Variants in RANBP10 observed in about 807,000 individuals in gnomAD.
The protein encoded by RANBP10 is ran-binding protein 10.
A neutral mutation model predicts 72.8 loss-of-function variants in RANBP10; 24 were observed. The ratio of observed to expected loss-of-function variants is 0.33; its 90% CI spans 0.24 to 0.46. The LOEUF (loss-of-function observed/expected upper bound fraction) is 0.46, where lower values mean the gene tolerates loss of function less well. Ranked by LOEUF, RANBP10 falls within the 20% of genes least tolerant of loss-of-function variation. RANBP10 has a pLI of 1.00. For missense variants in RANBP10, 679 were observed against 817.5 expected (o/e 0.83, Z 2.07); for synonymous variants, 310 against 322.3 (o/e 0.96, Z 0.41).
At chr16:67,804,975 G>A (rs1437277300) in intron 2 of RANBP10, among the ~76,000 whole-genome samples, 1 of 152,058 alleles carries the variant, frequency 6.6e-6, no homozygotes, top group Non-Finnish European at 1.5e-5. Context: ...ACAGGCCGGT[G>A]GCCACAGAAG....
In RANBP10 at chr16:67,729,767, G is replaced by C; in HGVS notation, c.1060C>G (p.Arg354Gly). Residue 354 changes from arginine (R) to glycine (G), a missense_variant, in exon 9 of 14, where the codon CGA becomes GGA. Coordinates refer to ENST00000317506, the MANE Select transcript of RANBP10 (RefSeq NM_020850.3). The surrounding 1 kb of genome is among the most constrained non-coding windows in gnomAD (Gnocchi z 7.1). ...TAGCTGTCCTGGGACTTGGGGCTTC[G>C]GGAGCTCAAACTTCGGACCTCACTG... ...TDSEVRSLSS[R>G]SPKSQDSYPG... 1 of 1,614,070 alleles carries C rather than the reference G, an allele frequency of 6.2e-7. No homozygotes were observed. The highest frequency in any genetic ancestry group is 1.6e-4 in the Middle Eastern group (1 of 6,062).
chr16:67,726,691 G>C (rs2053608395), intron 13 of RANBP10, 133 bp from the exon 14 acceptor site: 1 of 1,134,382 alleles, frequency 8.8e-7, no homozygotes, highest in Non-Finnish European at 1.2e-6. Context: ...CTCTGTGTAA[G>C]TGTGTCCCAG....
At chr16:67,731,375 A>C (rs2143001730) in intron 7 of RANBP10, 97 bp downstream of exon 7, 1 of 1,023,654 alleles carries the variant, frequency 9.8e-7, no homozygotes, top group South Asian at 1.3e-5. Context: ...ACCAGAGCTG[A>C]ATGGACTCCT....
chr16:67,779,019 A>G (rs1229770383), intron 2 of RANBP10, among the ~76,000 whole-genome samples: 2 of 152,138 alleles, frequency 1.3e-5, no homozygotes, highest in African/African-American at 2.4e-5. Flanking sequence ...CTTGAGGCCC[A>G]GGAAGTTGAG....
rs561589394 is a variant in RANBP10, at chr16:67,729,590, GAGCCCTGAGCCC to G, written c.1147+78_1147+89del. 7.8e-4 allele frequency: 1,202 copies of G among 1,550,258 alleles called. 8 individuals carry two copies. In the African/African-American group the frequency reaches 0.015, roughly 19 times the overall value. ...TTTCCCTTCTCCCAAATCCAGCAGT[GAGCCCTGAGCCC>G]AGCCCAGGAAAGGGTATGTGGAGTG... On this transcript the variant is annotated intron_variant, in intron 9 of 13. Coordinates refer to ENST00000317506, the MANE Select transcript of RANBP10 (RefSeq NM_020850.3). This position sits in a 1 kb window ranked among gnomAD's most constrained non-coding sequence, Gnocchi z 7.1.
intron 3 of RANBP10, among the ~76,000 whole-genome samples, chr16:67,771,334 A>C (rs756698678): frequency 6.6e-6 from 1 of 151,748 alleles, no homozygotes; most frequent in African/African-American, 2.4e-5. Context: ...AAAAACTTTG[A>C]TCTTTTTTAT....
At chr16:67,777,392 C>T (rs1297189717) in intron 2 of RANBP10, among the ~76,000 whole-genome samples, 6 of 151,664 alleles carry the variant, frequency 4.0e-5, no homozygotes, top group Admixed American at 2.0e-4. Flanking sequence ...AAAATTTAGC[C>T]GGGCATGGTG....
chr16:67,744,974 C>G (rs551830313), intron 3 of RANBP10, among the ~76,000 whole-genome samples: 2 of 152,216 alleles, frequency 1.3e-5, no homozygotes, highest in East Asian at 3.9e-4. Context: ...CAGGCGCCTG[C>G]CACAACGCCC....
At chr16:67,793,304 T>C (rs2055063253) in intron 2 of RANBP10, among the ~76,000 whole-genome samples, 1 of 150,794 alleles carries the variant, frequency 6.6e-6, no homozygotes, top group Non-Finnish European at 1.5e-5. Context: ...TTGGCTGGCT[T>C]GTAATTTTTT....
At chr16:67,775,396 C>T (rs1015490209) in intron 2 of RANBP10, among the ~76,000 whole-genome samples, 2 of 152,178 alleles carry the variant, frequency 1.3e-5, no homozygotes, top group African/African-American at 2.4e-5. Context: ...TGCCTGCTTT[C>T]ACCACTTCTA....
chr16:67,726,654 A>G, intron 13 of RANBP10, 96 bp from the exon 14 acceptor site: 1 of 1,389,334 alleles, frequency 7.2e-7, no homozygotes, highest in Non-Finnish European at 9.6e-7. Flanking sequence ...CAGTGGACAG[A>G]TTCTCTTGGA....
At chr16:67,778,888 T>C (rs1474612235) in intron 2 of RANBP10, among the ~76,000 whole-genome samples, 1 of 150,568 alleles carries the variant, frequency 6.6e-6, no homozygotes, top group African/African-American at 2.4e-5. Flanking sequence ...AGCTCAGGAG[T>C]TCAAGACCAG....
At chr16:67,784,898 G>A (rs1431219200) in intron 2 of RANBP10, among the ~76,000 whole-genome samples, 6 of 151,246 alleles carry the variant, frequency 4.0e-5, no homozygotes, top group Non-Finnish European at 8.8e-5. Context: ...ATCTGGCACT[G>A]GCCCAGTAGC....
At chr16:67,734,117 C>T (rs988006403) in intron 6 of RANBP10, among the ~76,000 whole-genome samples, 1 of 152,198 alleles carries the variant, frequency 6.6e-6, no homozygotes, top group Non-Finnish European at 1.5e-5. Context: ...TCAGTGTGTA[C>T]CCCAACCCCA....
At chr16:67,747,820 T>TC (rs1020875446) in intron 3 of RANBP10, among the ~76,000 whole-genome samples, 3 of 146,846 alleles carry the variant, frequency 2.0e-5, no homozygotes, top group African/African-American at 7.5e-5. Context: ...TTCTTTTCTT[T>TC]TTTTTTTTTT....
At chr16:67,756,792 G>T (rs1366640250) in intron 3 of RANBP10, among the ~76,000 whole-genome samples, 1 of 152,126 alleles carries the variant, frequency 6.6e-6, no homozygotes, top group Non-Finnish European at 1.5e-5. Context: ...CCAACAAATG[G>T]GTCCCAGTCA....
chr16:67,734,849 G>C lies in RANBP10; in HGVS notation c.776+9C>G, dbSNP rs1456014309. ...TGGGAGTGGGTAAGGGCAGGAGCAG[G>C]GCACTCACTTCTGCAGCACTGCCTG... On this transcript the variant is annotated intron_variant, in intron 6 of 13. Transcript: ENST00000317506. The C allele has an allele frequency of 7.0e-6, 11 of 1,571,758 alleles. No individual in the cohort carries two copies. The highest frequency in any genetic ancestry group is 9.5e-6 in the Non-Finnish European group (11 of 1,154,996).
intron 3 of RANBP10, among the ~76,000 whole-genome samples, chr16:67,751,938 T>G: frequency 6.7e-6 from 1 of 150,192 alleles, no homozygotes; most frequent in Non-Finnish European, 1.5e-5. Context: ...ACTCTGGCTA[T>G]AAATATGGAT....
intron 3 of RANBP10, among the ~76,000 whole-genome samples, chr16:67,764,360 G>C (rs1349936139): frequency 6.6e-6 from 1 of 152,192 alleles, no homozygotes; most frequent in Admixed American, 6.5e-5. Context: ...GGCTGACTCA[G>C]ATAAGGGCCG....
Sources: gnomAD v4.1 joint callset for allele counts (sites outside exome capture counted in the v4.1 genomes callset) on GRCh38, gnomAD v4.1.1 for gene constraint, Gnocchi (gnomAD v3.1) non-coding constraint, MANE v1.5 for transcripts, NCBI Gene and HGNC (gene_info 2026-07-23, HGNC 2026-07-21) for gene names.